The following SLC24A2 variants were observed in gnomAD, a reference collection of about 807,000 sequenced individuals.
SLC24A2 encodes the protein sodium/potassium/calcium exchanger 2.
Under a neutral mutation model 62.0 loss-of-function variants are expected in SLC24A2, and 36 were observed. That is an observed-to-expected ratio of 0.58 (90% CI 0.44 to 0.77). SLC24A2 has a LOEUF of 0.77. SLC24A2 is among the 30% of genes least tolerant of loss of function. The pLI is 0.00. For synonymous variants in SLC24A2, 358 were observed against 294.0 expected (o/e 1.22, Z -2.23); for missense variants, 846 against 817.9 (o/e 1.03, Z -0.42).
chr9:19,578,087 G>A (rs1009841401), intron 5 of SLC24A2, among the ~76,000 whole-genome samples: 2 of 151,282 alleles, frequency 1.3e-5, no homozygotes, highest in Admixed American at 1.3e-4. Flanking sequence ...GGACTTGGGG[G>A]GAAGAGTGGG....
the SLC24A2 span, among the ~76,000 whole-genome samples, chr9:20,291,909 G>T: frequency 6.6e-6 from 1 of 152,282 alleles, no homozygotes. Context: ...AGGATGCTAT[G>T]CTCTGGGTGG....
At chr9:20,054,556 A>C in the SLC24A2 span, among the ~76,000 whole-genome samples, 11 of 152,230 alleles carry the variant, frequency 7.2e-5, no homozygotes, top group African/African-American at 2.6e-4. Flanking sequence ...TGGTACCCAA[A>C]GTGTAGTTTT....
the SLC24A2 span, among the ~76,000 whole-genome samples, chr9:19,795,266 C>T: frequency 6.7e-6 from 1 of 150,266 alleles, no homozygotes. Flanking sequence ...AGCAGGCACC[C>T]CCCACCACCC....
chr9:19,591,901 C>T (rs1006138970), intron 5 of SLC24A2, among the ~76,000 whole-genome samples: 1 of 152,216 alleles, frequency 6.6e-6, no homozygotes, highest in Non-Finnish European at 1.5e-5. Flanking sequence ...GACACAATCT[C>T]ATCCTTTCAT....
At chr9:19,720,762 C>CA (rs1821001949) in intron 2 of SLC24A2, among the ~76,000 whole-genome samples, 1 of 141,174 alleles carries the variant, frequency 7.1e-6, no homozygotes, top group African/African-American at 2.6e-5. Flanking sequence ...ATCTCAATAA[C>CA]AAACACTTAA....
intron 1 of SLC24A2, among the ~76,000 whole-genome samples, chr9:19,787,848 A>C (rs1823221481): frequency 6.6e-6 from 1 of 152,202 alleles, no homozygotes; most frequent in African/African-American, 2.4e-5. Context: ...GTATTTCATA[A>C]ACAATACGCA....
intron 2 of SLC24A2, among the ~76,000 whole-genome samples, chr9:19,716,462 C>T (rs1820863213): frequency 6.6e-6 from 1 of 152,194 alleles, no homozygotes; most frequent in Non-Finnish European, 1.5e-5. Context: ...CACTGGTTAA[C>T]TACATGTATG....
the SLC24A2 span, among the ~76,000 whole-genome samples, chr9:19,923,512 C>G: frequency 6.6e-6 from 1 of 152,184 alleles, no homozygotes. Context: ...AGCCACACAT[C>G]AAGAAGCAGT....
chr9:20,056,547 C>T, the SLC24A2 span, among the ~76,000 whole-genome samples: 236 of 152,268 alleles, frequency 1.5e-3, 4 homozygotes, highest in East Asian at 0.016. Flanking sequence ...GAATTAATTA[C>T]GTAATAAGCA....
At chr9:19,935,479 G>A in the SLC24A2 span, among the ~76,000 whole-genome samples, 37,785 of 152,046 alleles carry the variant, frequency 0.25, 5,396 homozygotes, top group South Asian at 0.39. Flanking sequence ...CTAATGTCTT[G>A]TTTGAGAAAA....
chr9:20,045,179 G>T, the SLC24A2 span, among the ~76,000 whole-genome samples: 6 of 152,166 alleles, frequency 3.9e-5, no homozygotes, highest in African/African-American at 1.4e-4. Context: ...TAGACCCTGT[G>T]CCAGGCACTG....
the SLC24A2 span, among the ~76,000 whole-genome samples, chr9:20,204,510 A>G: frequency 1.9e-4 from 29 of 152,172 alleles, no homozygotes; most frequent in Admixed American, 2.0e-4. Context: ...AAAGTGTTGA[A>G]TATTTCCTTA....
the SLC24A2 span, among the ~76,000 whole-genome samples, chr9:20,119,116 G>A: frequency 2.0e-5 from 3 of 152,170 alleles, no homozygotes; most frequent in South Asian, 4.2e-4. Context: ...AGAAGCTAAG[G>A]CCCTCAATTG....
At chr9:19,683,537 T>C (rs947535518) in intron 2 of SLC24A2, among the ~76,000 whole-genome samples, 3 of 95,586 alleles carry the variant, frequency 3.1e-5, no homozygotes, top group Admixed American at 2.1e-4. Context: ...TGCTCTGAAC[T>C]TTTTTTTTTT....
At chr9:20,258,828 T>C in the SLC24A2 span, among the ~76,000 whole-genome samples, 1,682 of 123,500 alleles carry the variant, frequency 0.014, 11 homozygotes, top group East Asian at 0.019. Context: ...TATCTATCTA[T>C]CTATCTGTCT....
chr9:19,690,975 GAA>G (rs906328557), intron 2 of SLC24A2, among the ~76,000 whole-genome samples: 1 of 152,028 alleles, frequency 6.6e-6, no homozygotes, highest in Non-Finnish European at 1.5e-5. Flanking sequence ...ATTGGCAAAA[GAA>G]AAAGACAGTG....
intron 2 of SLC24A2, among the ~76,000 whole-genome samples, chr9:19,729,076 G>A (rs537498924): frequency 6.6e-6 from 1 of 152,124 alleles, no homozygotes; most frequent in South Asian, 2.1e-4. Context: ...AAGAATAAGA[G>A]GAACTGAATA....
intron 2 of SLC24A2, among the ~76,000 whole-genome samples, chr9:19,648,056 G>A (rs931811070): frequency 1.3e-5 from 2 of 152,144 alleles, no homozygotes; most frequent in African/African-American, 4.8e-5. Context: ...TTATTCACTA[G>A]TTCTCATAAA....
At chr9:19,779,792 G>C (rs964339630) in intron 2 of SLC24A2, among the ~76,000 whole-genome samples, 1 of 152,210 alleles carries the variant, frequency 6.6e-6, no homozygotes, top group South Asian at 2.1e-4. Context: ...GGGCGCGGTG[G>C]CTCACGCCTG....
Sources: allele counts gnomAD v4.1 joint callset (sites outside exome capture counted in the v4.1 genomes callset), GRCh38; gene constraint gnomAD v4.1.1; transcripts MANE v1.5; gene names NCBI Gene and HGNC (gene_info 2026-07-23, HGNC 2026-07-21).